The following MED13L variants were observed in gnomAD, a reference collection of about 807,000 sequenced individuals.
MED13L encodes the protein mediator of RNA polymerase II transcription subunit 13-like.
In MED13L, 7 loss-of-function variants were observed where a neutral mutation model predicts 220.9. The ratio of observed to expected loss-of-function variants is 0.03; its 90% CI spans 0.02 to 0.06. The LOEUF (loss-of-function observed/expected upper bound fraction) is 0.06, where lower values mean the gene tolerates loss of function less well. Among genes scored for constraint, MED13L ranks in the 10% least tolerant of loss-of-function variants. The probability of loss-of-function intolerance (pLI) is 1.00; values close to 1 mark genes in which losing one functional copy is unlikely to be tolerated. For synonymous variants in MED13L, 1,011 were observed against 1,015.2 expected, an observed-to-expected ratio of 1.00 and a Z score of 0.08; for missense variants, 1,965 against 2,760.5, an observed-to-expected ratio of 0.71 and a Z score of 6.46.
chr12:116,055,081 T>A (rs1394902397), intron 4 of MED13L, among the ~76,000 whole-genome samples: 1 of 152,202 alleles, frequency 6.6e-6, no homozygotes, highest in Non-Finnish European at 1.5e-5. Context: ...GCATAAAGTA[T>A]ACGCTATTAA....
chr12:115,961,210 T>C lies in MED13L; in HGVS notation c.*56A>G, dbSNP rs1395238587. 1.2e-6 allele frequency: 2 copies of C among 1,606,090 alleles called. No individual in the cohort carries two copies. Among genetic ancestry groups the C allele is most frequent in the Non-Finnish European group, 1.7e-6 (2 of 1,172,884 alleles). On this transcript the variant is annotated 3_prime_UTR_variant, in exon 31 of 31. Coordinates refer to ENST00000281928, the MANE Select transcript of MED13L (RefSeq NM_015335.5). Reference sequence around the variant, plus strand: ...TATTTGCAGAGTGTAGCAGGTTCCTTGGACTGAGGTTGCAGGGAGAAGGAA... The same window carrying C: ...TATTTGCAGAGTGTAGCAGGTTCCTCGGACTGAGGTTGCAGGGAGAAGGAA...
chr12:116,277,022 C>CCAA, intron 1 of MED13L, 38 bp downstream of exon 1: 2 of 1,006,430 alleles, frequency 2.0e-6, no homozygotes, highest in Non-Finnish European at 3.0e-6. Context: ...CCCCCCCCTT[C>CCAA]CCCGGCACAG....
intron 7 of MED13L, among the ~76,000 whole-genome samples, chr12:116,016,013 T>C (rs1211581397): frequency 6.6e-6 from 1 of 152,220 alleles, no homozygotes; most frequent in Non-Finnish European, 1.5e-5. Context: ...TTATGATTAT[T>C]GATGATACTG....
Position 115,966,011 on chromosome 12 carries a change from T to C in MED13L, c.6387+71A>G, listed in dbSNP as rs1402107634. The C allele has an allele frequency of 5.7e-6, 9 of 1,570,378 alleles. No individual in the cohort carries two copies. In the Admixed American group the frequency reaches 1.3e-4, roughly 23 times the overall value. ...AGATTATGGTGACTAAAACTGAAAT[T>C]TCTAACCAAAATTAAATTTAAGCGT... On this transcript the variant is annotated intron_variant, in intron 29 of 30. Transcript: ENST00000281928.
chr12:116,141,260 A>C (rs1877044785), intron 2 of MED13L, among the ~76,000 whole-genome samples: 1 of 152,238 alleles, frequency 6.6e-6, no homozygotes, highest in African/African-American at 2.4e-5. Flanking sequence ...AAAGCTATGC[A>C]TAACTAGTTA....
At chr12:115,974,850 G>C (rs543026290) in intron 25 of MED13L, among the ~76,000 whole-genome samples, 201 of 152,216 alleles carry the variant, frequency 1.3e-3, no homozygotes, top group Middle Eastern at 3.4e-3. Context: ...TAAAATTTTT[G>C]TCTTAAAACT....
chr12:116,078,015 C>A (rs1331667271), intron 4 of MED13L, among the ~76,000 whole-genome samples: 2 of 151,540 alleles, frequency 1.3e-5, no homozygotes, highest in Non-Finnish European at 2.9e-5. Context: ...ATGGTGGCAC[C>A]TAACTGTAAT....
intron 1 of MED13L, among the ~76,000 whole-genome samples, chr12:116,265,594 T>C (rs980107780): frequency 5.9e-5 from 9 of 152,234 alleles, no homozygotes; most frequent in African/African-American, 1.9e-4. Context: ...CTTTAGTCAT[T>C]AGCATTTTGC....
chr12:116,164,972 TTGTAC>T (rs1879141443), intron 2 of MED13L, among the ~76,000 whole-genome samples: 1 of 152,236 alleles, frequency 6.6e-6, no homozygotes, highest in Admixed American at 6.5e-5. Flanking sequence ...AAAGATCACC[TTGTAC>T]TCATGTAAGT....
At chr12:116,187,619 A>G (rs183041008) in intron 2 of MED13L, among the ~76,000 whole-genome samples, 6 of 152,312 alleles carry the variant, frequency 3.9e-5, no homozygotes, top group African/African-American at 1.2e-4. Context: ...GTACAAGAGT[A>G]TATCCTAAAA....
chr12:116,084,049 A>G (rs1871422944), intron 4 of MED13L, among the ~76,000 whole-genome samples: 1 of 152,232 alleles, frequency 6.6e-6, no homozygotes, highest in African/African-American at 2.4e-5. Context: ...TGCATCATCT[A>G]TAGAGCATAC....
At chr12:116,145,903 G>GT (rs919847287) in intron 2 of MED13L, among the ~76,000 whole-genome samples, 16 of 151,836 alleles carry the variant, frequency 1.1e-4, no homozygotes, top group Admixed American at 8.5e-4. Context: ...TGCTTTAATC[G>GT]TATGTTCCAG....
At chr12:116,046,641 C>A (rs1247829735) in intron 4 of MED13L, among the ~76,000 whole-genome samples, 5 of 152,182 alleles carry the variant, frequency 3.3e-5, no homozygotes, top group African/African-American at 1.2e-4. Flanking sequence ...ATTTCATTCT[C>A]ACTTCTATCT....
intron 2 of MED13L, among the ~76,000 whole-genome samples, chr12:116,146,640 G>T (rs772674733): frequency 1.3e-5 from 2 of 151,888 alleles, no homozygotes; most frequent in Non-Finnish European, 2.9e-5. Context: ...GAAGGCAGGG[G>T]GGACTGCTTG....
At chr12:115,966,285 T>C (rs1876154757) in intron 28 of MED13L, 42 bp from the exon 29 acceptor site, 3 of 1,610,836 alleles carry the variant, frequency 1.9e-6, no homozygotes, top group Non-Finnish European at 2.5e-6. Flanking sequence ...GCATTTATCT[T>C]AAAGCTTGAA....
At chr12:116,023,748 A>T (rs1880203994) in intron 4 of MED13L, among the ~76,000 whole-genome samples, 1 of 152,240 alleles carries the variant, frequency 6.6e-6, no homozygotes, top group South Asian at 2.1e-4. Flanking sequence ...TGGGTATTTA[A>T]CATGACAGAG....
chr12:116,253,614 G>A (rs951663142), intron 1 of MED13L, among the ~76,000 whole-genome samples: 9 of 151,974 alleles, frequency 5.9e-5, no homozygotes, highest in African/African-American at 1.7e-4. Context: ...AAGGTTTGTC[G>A]TGGAATTCAA....
chr12:116,085,754 TCA>T (rs10611880), intron 4 of MED13L, among the ~76,000 whole-genome samples: 3,850 of 146,972 alleles, frequency 0.026, 79 homozygotes, highest in African/African-American at 0.054. Flanking sequence ...TTAAAATCAC[TCA>T]CACACACACA....
intron 2 of MED13L, among the ~76,000 whole-genome samples, chr12:116,149,056 T>C (rs1428713673): frequency 6.6e-6 from 1 of 152,240 alleles, no homozygotes; most frequent in East Asian, 1.9e-4. Flanking sequence ...TTGAGATACT[T>C]TGATCACATC....
Sources: gnomAD v4.1 joint callset for allele counts (sites outside exome capture counted in the v4.1 genomes callset) on GRCh38, gnomAD v4.1.1 for gene constraint, MANE v1.5 for transcripts, NCBI Gene and HGNC (gene_info 2026-07-23, HGNC 2026-07-21) for gene names.